PPP6R2: variants seen among roughly 807,000 people sequenced by gnomAD.
The protein encoded by PPP6R2 is protein phosphatase 6 regulatory subunit 2.
PPP6R2 carries 62 observed loss-of-function variants against 100.2 expected under a neutral mutation model. The observed-to-expected ratio is 0.62, with a 90% CI of 0.50 to 0.76. The LOEUF (loss-of-function observed/expected upper bound fraction) is 0.76, where lower values mean the gene tolerates loss of function less well. PPP6R2 is among the 30% of genes least tolerant of loss of function. PPP6R2 has a pLI of 0.00. For missense variants in PPP6R2, 1,142 were observed against 1,276.3 expected (o/e 0.89, Z 1.60); for synonymous variants, 525 against 514.7 (o/e 1.02, Z -0.27).
In PPP6R2 at chr22:50,444,523, CCGGGGT is replaced by C. The variant is rs1462987293; in HGVS notation, c.*277_*282del. 8.0e-5 allele frequency: 14 copies of C among 174,176 alleles called. No homozygotes were observed. The highest frequency in any genetic ancestry group is 2.1e-4 in the East Asian group (1 of 4,860). The allele number at this position is 174,176 out of a possible 1,614,324, so 10.8% of individuals were successfully genotyped here. ...CAGCAATAAGGTCGGCCTGCAGGAG[CCGGGGT>C]GGGGGTGGGGGTGGGGGGGGCAGGA... is the stretch of plus-strand genomic sequence containing the variant. On this transcript the variant is annotated 3_prime_UTR_variant, in exon 24 of 24. Transcript: ENST00000612753.
chr22:50,396,093 G>A (rs966416896), intron 3 of PPP6R2, among the ~76,000 whole-genome samples: 1 of 151,330 alleles, frequency 6.6e-6, no homozygotes, highest in Non-Finnish European at 1.5e-5. Context: ...TACTCCGGGA[G>A]GCTGAAGCAG....
At chr22:50,340,529 GT>G (rs2042361296), upstream of PPP6R2, among the ~76,000 whole-genome samples, 1 of 141,736 alleles carries the variant, frequency 7.1e-6, no homozygotes, top group African/African-American at 2.8e-5. Flanking sequence ...TGTGTGGGGG[GT>G]ATGTGGTGTG....
chr22:50,440,902 G>A lies in PPP6R2; in HGVS notation c.2455G>A (p.Gly819Arg), dbSNP rs201778565. The change falls in exon 22 of 24, where the codon GGG becomes AGG. Residue 819 changes from glycine to arginine, a missense_variant. Transcript: ENST00000612753. ...GCTGGCCTCTGACAGTAGCTCCTCT[G>A]GGGGCTCCCACAGCGAGGATGGCGA... ...PLLASDSSSS[G>R]GSHSEDGDQK... 1 of 1,613,790 alleles carries A rather than the reference G, an allele frequency of 6.2e-7. No individual in the cohort carries two copies. Among genetic ancestry groups the A allele is most frequent in the African/African-American group, 1.3e-5 (1 of 75,060 alleles).
At chr22:50,370,531 C>T (rs1166062248) in intron 1 of PPP6R2, among the ~76,000 whole-genome samples, 4 of 152,194 alleles carry the variant, frequency 2.6e-5, no homozygotes, top group African/African-American at 9.6e-5. Context: ...TCGTGATCCA[C>T]CCGCCTTGGC....
In PPP6R2 at chr22:50,355,394, A is replaced by C. The variant is rs1038812428; in HGVS notation, c.-148+11844A>C. Among the ~76,000 whole-genome samples, 6 of 146,510 alleles carry C rather than the reference A, an allele frequency of 4.1e-5. No homozygotes were observed. The Admixed American group carries it at 4.1e-4, about 10-fold the overall frequency. On this transcript the variant is annotated intron_variant, in intron 1 of 23. Transcript: ENST00000612753. Reference sequence around the variant, plus strand: ...GCTGGGACTGCAGGTACCTGCCACCACGCCCGGCTAATTTTTTGTATTTTT... The same window carrying C: ...GCTGGGACTGCAGGTACCTGCCACCCCGCCCGGCTAATTTTTTGTATTTTT...
At chr22:50,390,558 C>G (rs1420815314) in intron 2 of PPP6R2, among the ~76,000 whole-genome samples, 1 of 152,054 alleles carries the variant, frequency 6.6e-6, no homozygotes, top group Non-Finnish European at 1.5e-5. Flanking sequence ...TTTTGGGAGG[C>G]TGAGGCAGGA....
At chr22:50,362,733 T>C (rs2048032916) in intron 1 of PPP6R2, among the ~76,000 whole-genome samples, 1 of 152,142 alleles carries the variant, frequency 6.6e-6, no homozygotes, top group Admixed American at 6.5e-5. Context: ...CATACAAAGA[T>C]ACACCAGAGA....
intron 2 of PPP6R2, among the ~76,000 whole-genome samples, chr22:50,385,510 T>G (rs1309563906): frequency 1.4e-5 from 2 of 148,040 alleles, no homozygotes; most frequent in African/African-American, 2.5e-5. Flanking sequence ...GGATTAAGTT[T>G]TTTTTTTTTT....
chr22:50,422,040 C>T (rs1017255257), intron 8 of PPP6R2, among the ~76,000 whole-genome samples: 4 of 152,078 alleles, frequency 2.6e-5, no homozygotes, highest in Admixed American at 2.0e-4. Flanking sequence ...ATGTCGCAAG[C>T]AAGCATCTGC....
intron 2 of PPP6R2, among the ~76,000 whole-genome samples, chr22:50,377,261 C>T (rs2148618177): frequency 6.6e-6 from 1 of 151,980 alleles, no homozygotes; most frequent in Non-Finnish European, 1.5e-5. Context: ...CAAGACCAGC[C>T]TGGGCAACAT....
intron 1 of PPP6R2, among the ~76,000 whole-genome samples, chr22:50,351,729 G>A (rs976481577): frequency 3.9e-5 from 6 of 152,068 alleles, no homozygotes; most frequent in African/African-American, 1.4e-4. Flanking sequence ...TGGTTCCCGT[G>A]TTCAAGTGAT....
Position 50,423,642 on chromosome 22 carries a change from A to G in PPP6R2, c.1125+28A>G, listed in dbSNP as rs1266801589. On this transcript the variant is annotated intron_variant, in intron 10 of 23. Coordinates refer to ENST00000612753, the MANE Select transcript of PPP6R2 (RefSeq NM_001242898.2). This position sits in a 1 kb window ranked among gnomAD's most constrained non-coding sequence, Gnocchi z 4.8. ...AAGTGGGCCCCTCAGCCAGCCCTGC[A>G]TGTCTGTGAGTGTGCCGGGCATGGC... The G allele has an allele frequency of 1.2e-6, 2 of 1,613,216 alleles. No individual in the cohort carries two copies. The highest frequency in any genetic ancestry group is 1.7e-6 in the Non-Finnish European group (2 of 1,179,574).
At chr22:50,434,883 GC>G (rs2063875608) in intron 12 of PPP6R2, 82 bp from the exon 13 acceptor site, 2 of 1,215,864 alleles carry the variant, frequency 1.6e-6, no homozygotes, top group Admixed American at 4.4e-5. Context: ...GAACCTGGAG[GC>G]CTCTGCCACT....
chr22:50,402,623 C>T (rs935468227), intron 3 of PPP6R2, among the ~76,000 whole-genome samples: 2 of 152,196 alleles, frequency 1.3e-5, no homozygotes, highest in African/African-American at 2.4e-5. Flanking sequence ...TTCAGTCCTC[C>T]AGGCTGGTTC....
rs80300021 is a variant in PPP6R2, at chr22:50,400,398, G to A, written c.227+6263G>A. 4.6e-5 allele frequency among the ~76,000 whole-genome samples: 7 copies of A among 152,300 alleles called. No individual in the cohort carries two copies. In the East Asian group the frequency reaches 5.8e-4, roughly 13 times the overall value. On this transcript the variant is annotated intron_variant, in intron 3 of 23. Transcript: ENST00000612753. ...GTGATGTTTAGGGCATCGGGCCTGC[G>A]TGTTTGAGACCCTCTGATTAGAAGT... is the stretch of plus-strand genomic sequence containing the variant.
the PPP6R2 span, among the ~76,000 whole-genome samples, chr22:50,333,396 GCACA>G: frequency 8.7e-3 from 1,319 of 151,266 alleles, 7 homozygotes; most frequent in South Asian, 0.013. Context: ...GAGTGCAGTG[GCACA>G]ATCTTGGCTC....
intron 1 of PPP6R2, among the ~76,000 whole-genome samples, chr22:50,354,233 A>G (rs1376046355): frequency 6.6e-6 from 1 of 152,102 alleles, no homozygotes; most frequent in African/African-American, 2.4e-5. Flanking sequence ...TGAACCCAGA[A>G]GGTGGAGATT....
At position 50,437,876 on chromosome 22, in the gene PPP6R2, C is replaced by T; in HGVS notation, c.1815C>T (p.Phe605=). The change falls in exon 17 of 24, where the codon TTC becomes TTT. Residue 605 remains phenylalanine (F), a synonymous_variant. Transcript: ENST00000612753. ...APFDRIAEIN[F]NIDADEDSPS... is the part of the protein sequence containing the mutation. The stretch of plus-strand genomic sequence containing the variant: ...TTGACAGGATCGCAGAGATCAACTT[C>T]AACATCGACGCTGACGAGGACAGTG... 1 of 1,554,760 alleles carries T rather than the reference C, an allele frequency of 6.4e-7. No homozygotes were observed. The highest frequency in any genetic ancestry group is 8.7e-7 in the Non-Finnish European group (1 of 1,148,926).
At chr22:50,380,727 C>T (rs1482205452) in intron 2 of PPP6R2, among the ~76,000 whole-genome samples, 3 of 150,652 alleles carry the variant, frequency 2.0e-5, no homozygotes, top group African/African-American at 4.9e-5. Flanking sequence ...CGGTGGCTCA[C>T]GCCTGTAATC....
Sources: gnomAD v4.1 joint callset for allele counts (sites outside exome capture counted in the v4.1 genomes callset) on GRCh38, gnomAD v4.1.1 for gene constraint, Gnocchi (gnomAD v3.1) non-coding constraint, MANE v1.5 for transcripts, NCBI Gene and HGNC (gene_info 2026-07-23, HGNC 2026-07-21) for gene names.